Variants in TRIM44 observed in about 807,000 individuals in gnomAD.
TRIM44 encodes the protein tripartite motif containing 44, also known as tripartite motif-containing protein 44.
Under a neutral mutation model 37.4 loss-of-function variants are expected in TRIM44, and 13 were observed. The observed-to-expected ratio is 0.35, with a 90% CI of 0.23 to 0.55. TRIM44 has a LOEUF of 0.55. Ranked by LOEUF, TRIM44 falls within the 20% of genes least tolerant of loss-of-function variation. The probability of loss-of-function intolerance (pLI) is 0.89; values close to 1 mark genes in which losing one functional copy is unlikely to be tolerated. For missense variants in TRIM44, 426 were observed against 437.2 expected, an observed-to-expected ratio of 0.97 and a Z score of 0.23; for synonymous variants, 175 against 157.2, an observed-to-expected ratio of 1.11 and a Z score of -0.85.
Position 35,813,982 on chromosome 11 carries a change from C to G in TRIM44, c.*7597C>G, listed in dbSNP as rs1330452009. 6.6e-6 allele frequency: 1 copy of G among 152,096 alleles called. No individual in the cohort carries two copies. Among genetic ancestry groups the G allele is most frequent in the Non-Finnish European group, 1.5e-5 (1 of 68,024 alleles). The allele number at this position is 152,096 out of a possible 1,614,324, so 9.4% of individuals were successfully genotyped here. A position where few individuals can be genotyped will look rare whatever the true frequency, so the allele number is the denominator to read the frequency against. ...CATGAACAGTGGAGGTGCCAACTTT[C>G]CAATGTGATGAATAAAACTAATAAC... is the stretch of plus-strand genomic sequence containing the variant. On this transcript the variant is annotated 3_prime_UTR_variant, in exon 5 of 5. Coordinates refer to ENST00000299413, the MANE Select transcript of TRIM44 (RefSeq NM_017583.6).
chr11:35,779,846 G>A (rs1227688451), intron 4 of TRIM44, among the ~76,000 whole-genome samples: 4 of 147,968 alleles, frequency 2.7e-5, no homozygotes, highest in Non-Finnish European at 5.9e-5. Context: ...ACCATTTATT[G>A]AATAGGGAGA....
At chr11:35,787,730 C>T (rs1211314961) in intron 4 of TRIM44, among the ~76,000 whole-genome samples, 1 of 152,190 alleles carries the variant, frequency 6.6e-6, no homozygotes, top group African/African-American at 2.4e-5. Context: ...TCACAAGAGA[C>T]ACCTGTGGTA....
At chr11:35,715,404 A>ATGTGTG (rs112688346) in intron 2 of TRIM44, among the ~76,000 whole-genome samples, 35 of 144,896 alleles carry the variant, frequency 2.4e-4, no homozygotes, top group African/African-American at 4.5e-4. Context: ...CTCTCTGTGT[A>ATGTGTG]TGTGTGTGTG....
intron 4 of TRIM44, among the ~76,000 whole-genome samples, chr11:35,798,082 T>C (rs1292949514): frequency 6.6e-6 from 1 of 152,184 alleles, no homozygotes; most frequent in African/African-American, 2.4e-5. Flanking sequence ...ATATGTAAGA[T>C]ATACATTGGT....
intron 3 of TRIM44, among the ~76,000 whole-genome samples, chr11:35,732,939 G>A (rs1852280882): frequency 2.0e-5 from 3 of 152,144 alleles, no homozygotes; most frequent in African/African-American, 7.2e-5. Context: ...CAGTAGAATT[G>A]GATGAACATA....
At chr11:35,691,883 G>A (rs1564953824) in intron 2 of TRIM44, among the ~76,000 whole-genome samples, 2 of 152,110 alleles carry the variant, frequency 1.3e-5, no homozygotes, top group Admixed American at 6.6e-5. Flanking sequence ...CTGACCTCGT[G>A]ATCCACCTGT....
rs576257091 is a variant in TRIM44 at position 35,774,795 on chromosome 11, T to A, written c.1008-31563T>A. ...ATGGTTGTAGATGTGTGGTATTATT[T>A]CTTAGGGTTCTGTTCTGTTCCATTG... On this transcript the variant is annotated intron_variant, in intron 4 of 4. Transcript: ENST00000299413. Among the ~76,000 whole-genome samples, 11 of 152,190 alleles carry A rather than the reference T, an allele frequency of 7.2e-5. 1 individual carries two copies. Among genetic ancestry groups the A allele is most frequent in the Non-Finnish European group, 1.6e-4 (11 of 68,026 alleles).
chr11:35,798,836 A>T (rs1307166034), intron 4 of TRIM44, among the ~76,000 whole-genome samples: 3 of 152,124 alleles, frequency 2.0e-5, no homozygotes, highest in African/African-American at 7.2e-5. Flanking sequence ...GATTTTATAA[A>T]AGATAACTTA....
In TRIM44 at chr11:35,725,910, T is replaced by A; in HGVS notation, c.748-14T>A. ...ATGTTCAACTTATTCTTCTTATTTG[T>A]CTCTGTTCTAAAGGTAACTCGGGAC... is the stretch of plus-strand genomic sequence containing the variant. On this transcript the variant is annotated splice_polypyrimidine_tract_variant and intron_variant, in intron 2 of 4. Transcript: ENST00000299413. 6 of 1,611,988 alleles carry A rather than the reference T, an allele frequency of 3.7e-6. No individual in the cohort carries two copies. Among genetic ancestry groups the A allele is most frequent in the Non-Finnish European group, 5.1e-6 (6 of 1,178,526 alleles).
At chr11:35,721,649 TA>T (rs897651557) in intron 2 of TRIM44, among the ~76,000 whole-genome samples, 1 of 152,216 alleles carries the variant, frequency 6.6e-6, no homozygotes, top group Non-Finnish European at 1.5e-5. Flanking sequence ...TTCACTTCAG[TA>T]AACTTTTGTC....
intron 4 of TRIM44, among the ~76,000 whole-genome samples, chr11:35,737,329 T>C (rs1852338748): frequency 1.3e-5 from 2 of 152,084 alleles, no homozygotes; most frequent in African/African-American, 4.8e-5. Flanking sequence ...CTGAACAGAT[T>C]TGCATTTTAG....
chr11:35,767,643 A>G (rs2133863897), intron 4 of TRIM44, among the ~76,000 whole-genome samples: 1 of 152,248 alleles, frequency 6.6e-6, no homozygotes, highest in East Asian at 1.9e-4. Flanking sequence ...CTTCAGATGT[A>G]TTATTTGAAG....
intron 4 of TRIM44, among the ~76,000 whole-genome samples, chr11:35,780,117 G>A (rs1170720492): frequency 1.3e-5 from 2 of 151,952 alleles, no homozygotes; most frequent in African/African-American, 4.8e-5. Flanking sequence ...ACTAATTTTA[G>A]AATAGTTTTT....
chr11:35,708,765 G>A (rs973501023), intron 2 of TRIM44, among the ~76,000 whole-genome samples: 2 of 151,956 alleles, frequency 1.3e-5, no homozygotes, highest in African/African-American at 4.8e-5. Flanking sequence ...CTGTTGTGGG[G>A]TGTGGGGAGG....
At chr11:35,776,337 G>C (rs1565018683) in intron 4 of TRIM44, among the ~76,000 whole-genome samples, 1 of 152,056 alleles carries the variant, frequency 6.6e-6, no homozygotes, top group Non-Finnish European at 1.5e-5. Context: ...GTGTCTATTT[G>C]ATTCTTCTGT....
intron 4 of TRIM44, among the ~76,000 whole-genome samples, chr11:35,737,943 T>A (rs1399436917): frequency 6.6e-6 from 1 of 152,156 alleles, no homozygotes; most frequent in African/African-American, 2.4e-5. Flanking sequence ...TGGTTCGGTT[T>A]TTATCATTTT....
rs560286927 is a variant in TRIM44 at position 35,704,407 on chromosome 11, G to A, written c.747+19071G>A. 1.9e-3 allele frequency among the ~76,000 whole-genome samples: 282 copies of A among 152,094 alleles called. 2 individuals are homozygous for A. Among genetic ancestry groups the A allele is most frequent in the African/African-American group, 6.5e-3 (268 of 41,484 alleles). On this transcript the variant is annotated intron_variant, in intron 2 of 4. Coordinates refer to ENST00000299413, the MANE Select transcript of TRIM44 (RefSeq NM_017583.6). The stretch of plus-strand genomic sequence containing the variant: ...CAACATTCAGATTCAGGAAATACAG[G>A]GAACGCCACAAAGATACTCCTCGAG...
chr11:35,714,398 A>G (rs973149742), intron 2 of TRIM44, among the ~76,000 whole-genome samples: 1 of 152,200 alleles, frequency 6.6e-6, no homozygotes, highest in Non-Finnish European at 1.5e-5. Flanking sequence ...TCTGAGCTTC[A>G]GAAGCATGGA....
intron 1 of TRIM44, among the ~76,000 whole-genome samples, chr11:35,681,881 G>T (rs933870122): frequency 3.1e-4 from 47 of 151,552 alleles, no homozygotes; most frequent in Non-Finnish European, 5.6e-4. Flanking sequence ...TCTATGGTTT[G>T]GGGATACTCA....
Sources: gnomAD v4.1 joint callset for allele counts (sites outside exome capture counted in the v4.1 genomes callset) on GRCh38, gnomAD v4.1.1 for gene constraint, MANE v1.5 for transcripts, NCBI Gene and HGNC (gene_info 2026-07-23, HGNC 2026-07-21) for gene names.